Variants in ACACA observed in about 807,000 individuals in gnomAD.
ACACA encodes the protein acetyl-CoA carboxylase 1.
In ACACA, 103 loss-of-function variants were observed where a neutral mutation model predicts 296.1. The ratio of observed to expected loss-of-function variants is 0.35; its 90% CI spans 0.30 to 0.41. The LOEUF is 0.41. Among genes scored for constraint, ACACA ranks in the 10% least tolerant of loss-of-function variants. The pLI is 1.00. For missense variants in ACACA, 1,554 were observed against 2,989.7 expected (o/e 0.52, Z 11.20); for synonymous variants, 953 against 1,038.6 (o/e 0.92, Z 1.58).
At chr17:37,125,671 G>C (rs778622314) in intron 48 of ACACA, 27 bp downstream of exon 48, 1 of 1,570,300 alleles carries the variant, frequency 6.4e-7, no homozygotes, top group Non-Finnish European at 8.8e-7. Context: ...GGAGGAAAAA[G>C]AGCTGCCAAA....
In ACACA at chr17:37,087,282, CAGAG is replaced by C. The variant is rs2072268791; in HGVS notation, c.*30_*33del. On this transcript the variant is annotated 3_prime_UTR_variant, in exon 56 of 56. Coordinates refer to ENST00000616317, the MANE Select transcript of ACACA (RefSeq NM_198834.3). ...AAAAGGCAGCTCTAGCCCTTTTCTC[CAGAG>C]ACAGGGCAGGGACAGGCAGGAAGCT... 4.3e-6 allele frequency: 7 copies of C among 1,613,718 alleles called. No homozygotes were observed. The highest frequency in any genetic ancestry group is 5.9e-6 in the Non-Finnish European group (7 of 1,179,968).
At chr17:37,297,334 G>A (rs927419295) in intron 3 of ACACA, among the ~76,000 whole-genome samples, 17 of 151,032 alleles carry the variant, frequency 1.1e-4, no homozygotes, top group African/African-American at 3.6e-4. Context: ...CCAGCTACTC[G>A]GGAGGCTGAG....
intron 22 of ACACA, among the ~76,000 whole-genome samples, chr17:37,242,448 C>T (rs1016340023): frequency 2.0e-5 from 3 of 152,170 alleles, no homozygotes; most frequent in Non-Finnish European, 4.4e-5. Context: ...TACCAATAGG[C>T]CATGTGTGGT....
At chr17:37,147,599 A>G (rs1013585474) in intron 45 of ACACA, among the ~76,000 whole-genome samples, 2 of 152,222 alleles carry the variant, frequency 1.3e-5, no homozygotes, top group Non-Finnish European at 2.9e-5. Context: ...ACGAATTTGC[A>G]TAAAATCGGG....
Position 37,260,279 on chromosome 17 carries a change from TATATATA to T in ACACA, c.1330-756_1330-750del, listed in dbSNP as rs1405895684. Among the ~76,000 whole-genome samples the T allele has an allele frequency of 3.7e-3, 125 of 34,234 alleles. 2 individuals carry two copies. The highest frequency in any genetic ancestry group is 0.017 in the East Asian group (10 of 598). 22.5% of individuals were successfully genotyped at this position (34,234 alleles called of 152,430 possible). A position where few individuals can be genotyped will look rare whatever the true frequency, so the allele number is the denominator to read the frequency against. On this transcript the variant is annotated intron_variant, in intron 11 of 55. Coordinates refer to ENST00000616317, the MANE Select transcript of ACACA (RefSeq NM_198834.3). ...ATATATATATATATATATATATATATATATATATATATATATATTTTTTTTTTTTTTT... is the reference window on the plus strand; with the variant it reads ...ATATATATATATATATATATATATATTATATATATATTTTTTTTTTTTTTT...
intron 45 of ACACA, among the ~76,000 whole-genome samples, chr17:37,141,910 C>G (rs1213917412): frequency 6.6e-6 from 1 of 151,776 alleles, no homozygotes; most frequent in East Asian, 1.9e-4. Context: ...AGGCTGGTCT[C>G]AAACCACTGA....
intron 1 of ACACA, among the ~76,000 whole-genome samples, chr17:37,378,747 C>T (rs2050113241): frequency 6.6e-6 from 1 of 151,732 alleles, no homozygotes; most frequent in African/African-American, 2.4e-5. Flanking sequence ...TGCCATTGCA[C>T]TCTAGCCTGG....
At chr17:37,252,212 T>C in intron 15 of ACACA, 104 bp from the exon 16 acceptor site, 1 of 891,156 alleles carries the variant, frequency 1.1e-6, no homozygotes, top group Non-Finnish European at 1.9e-6. Context: ...CAGCTAGCAA[T>C]GAAAATCTCC....
At chr17:37,378,988 G>A in intron 1 of ACACA, 2 of 941,566 alleles carry the variant, frequency 2.1e-6, no homozygotes, top group Non-Finnish European at 3.1e-6. Flanking sequence ...AGGATTGCTT[G>A]GAGATCGAGG....
chr17:37,133,516 T>C (rs984411271), intron 45 of ACACA, among the ~76,000 whole-genome samples: 4 of 152,196 alleles, frequency 2.6e-5, no homozygotes, highest in Non-Finnish European at 5.9e-5. Context: ...CCCTCATCAG[T>C]ATCTAGGAAG....
intron 45 of ACACA, among the ~76,000 whole-genome samples, chr17:37,132,946 G>A (rs933481251): frequency 1.3e-5 from 2 of 152,232 alleles, no homozygotes; most frequent in African/African-American, 2.4e-5. Flanking sequence ...GCTAAAACTC[G>A]GGTTCTGATG....
At chr17:37,093,468 T>C (rs2072780436) in intron 54 of ACACA, among the ~76,000 whole-genome samples, 1 of 152,156 alleles carries the variant, frequency 6.6e-6, no homozygotes, top group Non-Finnish European at 1.5e-5. Context: ...CTAGCATATT[T>C]TGAATGTCTA....
chr17:37,188,533 C>A (rs2077623924), intron 38 of ACACA, 53 bp from the exon 39 acceptor site: 4 of 1,586,808 alleles, frequency 2.5e-6, no homozygotes. Context: ...TAACTAAGAC[C>A]TGTTTCAGGT....
chr17:37,378,649 G>T (rs9889482), intron 1 of ACACA, among the ~76,000 whole-genome samples: 4,140 of 152,298 alleles, frequency 0.027, 118 homozygotes, highest in East Asian at 0.062. Context: ...AGAGGCGGAG[G>T]TTGCAGTGAG....
chr17:37,114,640 T>A (rs1028937323), intron 50 of ACACA, among the ~76,000 whole-genome samples: 1 of 151,976 alleles, frequency 6.6e-6, no homozygotes, highest in Non-Finnish European at 1.5e-5. Flanking sequence ...CCTGGAAAAC[T>A]GGATCAGTTA....
At chr17:37,205,932 G>A in intron 32 of ACACA, 60 bp from the exon 33 acceptor site, 1 of 1,335,706 alleles carries the variant, frequency 7.5e-7, no homozygotes, top group South Asian at 1.2e-5. Flanking sequence ...GATGCAGATA[G>A]AAGTTATAAT....
At chr17:37,206,390 G>A (rs1269227873) in intron 32 of ACACA, among the ~76,000 whole-genome samples, 6 of 152,056 alleles carry the variant, frequency 3.9e-5, no homozygotes, top group African/African-American at 1.2e-4. Context: ...TCAACAAAAT[G>A]CCTACTTTTT....
chr17:37,343,763 C>CA (rs1161272864), intron 1 of ACACA, among the ~76,000 whole-genome samples: 3,767 of 66,330 alleles, frequency 0.057, 70 homozygotes, highest in East Asian at 0.12. Flanking sequence ...GACTCTGTCT[C>CA]AAAAAAAAAA....
chr17:37,379,878 G>A (rs1392044628), intron 1 of ACACA, among the ~76,000 whole-genome samples: 1 of 147,350 alleles, frequency 6.8e-6, no homozygotes, highest in Admixed American at 6.9e-5. Flanking sequence ...GATTCCTCAG[G>A]GATCTAGAAC....
Sources: gnomAD v4.1 joint callset for allele counts (sites outside exome capture counted in the v4.1 genomes callset) on GRCh38, gnomAD v4.1.1 for gene constraint, MANE v1.5 for transcripts, NCBI Gene and HGNC (gene_info 2026-07-23, HGNC 2026-07-21) for gene names.